CFAP299: variants seen among roughly 807,000 people sequenced by gnomAD.
CFAP299 encodes cilia- and flagella-associated protein 299.
A neutral mutation model predicts 27.0 loss-of-function variants in CFAP299; 21 were observed. The ratio of observed to expected loss-of-function variants is 0.78; its 90% CI spans 0.55 to 1.12. The LOEUF (loss-of-function observed/expected upper bound fraction) is 1.12. CFAP299 is among the 50% of genes most tolerant of loss of function. The pLI is 0.00. For missense variants in CFAP299, 310 were observed against 276.6 expected, an observed-to-expected ratio of 1.12 and a Z score of -0.86; for synonymous variants, 104 against 98.1, an observed-to-expected ratio of 1.06 and a Z score of -0.36.
intron 3 of CFAP299, among the ~76,000 whole-genome samples, chr4:80,709,217 C>T (rs1358625881): frequency 6.6e-6 from 1 of 152,104 alleles, no homozygotes; most frequent in East Asian, 1.9e-4. Context: ...TTTATTCACC[C>T]ACATGTTTTA....
chr4:80,882,013 T>C (rs912989360), intron 4 of CFAP299, among the ~76,000 whole-genome samples: 4 of 151,848 alleles, frequency 2.6e-5, no homozygotes, highest in South Asian at 4.2e-4. Context: ...GAATAAAAAA[T>C]CAGTAGGTTT....
rs139814840 is a variant in CFAP299 at position 80,363,874 on chromosome 4, G to A, written c.242+990G>A. 7.8e-3 allele frequency among the ~76,000 whole-genome samples: 1,193 copies of A among 152,116 alleles called. 14 individuals are homozygous for A. Among genetic ancestry groups the A allele is most frequent in the African/African-American group, 0.027 (1,109 of 41,488 alleles). On this transcript the variant is annotated intron_variant, in intron 2 of 5. Transcript: ENST00000358105. ...GAGGCAGAGGCGGGCAGATCAAGAG[G>A]TCAGGAGATCAAGACCATCCTGGCT...
chr4:80,817,448 A>G (rs1729477976), intron 3 of CFAP299, among the ~76,000 whole-genome samples: 1 of 152,164 alleles, frequency 6.6e-6, no homozygotes, highest in Non-Finnish European at 1.5e-5. Flanking sequence ...TTACAAATGT[A>G]AGTACCCTAA....
intron 3 of CFAP299, among the ~76,000 whole-genome samples, chr4:80,686,798 A>G (rs550504756): frequency 6.6e-6 from 1 of 152,326 alleles, no homozygotes; most frequent in South Asian, 2.1e-4. Flanking sequence ...AAAGATGCCT[A>G]TGAAAACTAC....
intron 3 of CFAP299, among the ~76,000 whole-genome samples, chr4:80,626,405 G>A (rs1738906676): frequency 6.6e-6 from 1 of 151,798 alleles, no homozygotes; most frequent in South Asian, 2.1e-4. Flanking sequence ...GAAGCATGTA[G>A]CTGTAAACAG....
chr4:80,911,058 T>TC (rs1735445751), intron 4 of CFAP299, among the ~76,000 whole-genome samples: 1 of 152,126 alleles, frequency 6.6e-6, no homozygotes, highest in Admixed American at 6.6e-5. Context: ...ATTTTATTCT[T>TC]AAAATAAGTA....
At chr4:80,547,420 A>T (rs1029799860) in intron 2 of CFAP299, among the ~76,000 whole-genome samples, 37 of 152,202 alleles carry the variant, frequency 2.4e-4, no homozygotes, top group Non-Finnish European at 3.7e-4. Context: ...AAAAGAATTT[A>T]AAAAATCCCT....
intron 5 of CFAP299, among the ~76,000 whole-genome samples, chr4:80,957,562 A>G (rs554636205): frequency 6.6e-6 from 1 of 152,238 alleles, no homozygotes; most frequent in African/African-American, 2.4e-5. Context: ...AGGAATAAAC[A>G]GATTTTAAAA....
At chr4:80,807,098 C>G (rs1225407083) in intron 3 of CFAP299, among the ~76,000 whole-genome samples, 1 of 152,034 alleles carries the variant, frequency 6.6e-6, no homozygotes, top group Non-Finnish European at 1.5e-5. Context: ...ATCAAATTAT[C>G]TACCTGAATG....
chr4:80,912,114 G>A (rs1020551413), intron 4 of CFAP299, among the ~76,000 whole-genome samples: 6 of 152,036 alleles, frequency 3.9e-5, no homozygotes, highest in Non-Finnish European at 5.9e-5. Context: ...ACTATTTTGT[G>A]GGTCTTTCAA....
intron 2 of CFAP299, among the ~76,000 whole-genome samples, chr4:80,365,228 CT>C (rs1349008966): frequency 6.6e-6 from 1 of 152,084 alleles, no homozygotes; most frequent in African/African-American, 2.4e-5. Context: ...AAAAGTGTTC[CT>C]TTTTCTCCAC....
chr4:80,882,570 G>A (rs1733761543), intron 4 of CFAP299, among the ~76,000 whole-genome samples: 1 of 151,896 alleles, frequency 6.6e-6, no homozygotes, highest in South Asian at 2.1e-4. Flanking sequence ...CCCGGGAGGC[G>A]GAGCTTGCAG....
chr4:80,963,414 A>G (rs1457223982), intron 5 of CFAP299, 103 bp from the exon 6 acceptor site: 2 of 672,692 alleles, frequency 3.0e-6, no homozygotes, highest in Non-Finnish European at 5.1e-6. Context: ...CAAACTTGCT[A>G]GTTTTTTTTT....
chr4:80,557,934 C>T (rs1053329423), intron 2 of CFAP299, among the ~76,000 whole-genome samples: 4 of 152,088 alleles, frequency 2.6e-5, no homozygotes, highest in Non-Finnish European at 2.9e-5. Flanking sequence ...ACCAGAATGA[C>T]ACTTGCACAT....
chr4:80,460,127 A>G (rs1347889833), intron 2 of CFAP299, among the ~76,000 whole-genome samples: 1 of 152,172 alleles, frequency 6.6e-6, no homozygotes, highest in Admixed American at 6.6e-5. Flanking sequence ...TTTGTTATGC[A>G]GATGAAACCT....
chr4:80,493,348 G>A lies in CFAP299; in HGVS notation c.243-89745G>A, dbSNP rs115171809. On this transcript the variant is annotated intron_variant, in intron 2 of 5. Transcript: ENST00000358105. ...GAAGGGATTCTTATCCCTGATGCAC[G>A]TGGCCCCTGCTACTGTGTCATTCCC... 7.5e-3 allele frequency among the ~76,000 whole-genome samples: 1,145 copies of A among 152,296 alleles called. 12 individuals carry two copies. Among genetic ancestry groups the A allele is most frequent in the African/African-American group, 0.023 (970 of 41,554 alleles).
chr4:80,660,268 G>T (rs1450125929), intron 3 of CFAP299, among the ~76,000 whole-genome samples: 1 of 152,026 alleles, frequency 6.6e-6, no homozygotes, highest in African/African-American at 2.4e-5. Context: ...TAGCATAGAA[G>T]ATAAAAAGAA....
intron 2 of CFAP299, among the ~76,000 whole-genome samples, chr4:80,527,804 A>G (rs1443725836): frequency 6.6e-6 from 1 of 152,034 alleles, no homozygotes; most frequent in African/African-American, 2.4e-5. Context: ...AAAACAAGGG[A>G]TATTCTATGA....
At chr4:80,481,727 A>G (rs1730581978) in intron 2 of CFAP299, among the ~76,000 whole-genome samples, 1 of 152,106 alleles carries the variant, frequency 6.6e-6, no homozygotes. Context: ...GCTGGGGCTA[A>G]AAGTCAGCTA....
Sources: gnomAD v4.1 joint callset for allele counts (sites outside exome capture counted in the v4.1 genomes callset) on GRCh38, gnomAD v4.1.1 for gene constraint, MANE v1.5 for transcripts, NCBI Gene and HGNC (gene_info 2026-07-23, HGNC 2026-07-21) for gene names.